The following DKC1 variants were observed in gnomAD, a reference collection of about 807,000 sequenced individuals.
DKC1 encodes the protein H/ACA ribonucleoprotein complex subunit DKC1.
Under a neutral mutation model 46.7 loss-of-function variants are expected in DKC1, and 4 were observed. The observed-to-expected ratio is 0.09, with a 90% CI of 0.04 to 0.20. The LOEUF is 0.20. Among genes scored for constraint, DKC1 ranks in the 10% least tolerant of loss-of-function variants. DKC1 has a pLI of 1.00. For missense variants in DKC1, 171 were observed against 404.2 expected (o/e 0.42, Z 4.95); for synonymous variants, 141 against 142.4 (o/e 0.99, Z 0.07).
intron 10 of DKC1, 54 bp downstream of exon 10, chrX:154,770,933 G>T (rs1209334952): frequency 2.5e-5 from 29 of 1,143,642 alleles, no homozygotes; most frequent in Non-Finnish European, 3.1e-5. Context: ...TACATACTAG[G>T]TGTATATATT....
chrX:154,776,948 G>A lies in DKC1; in HGVS notation c.*81G>A. 1 of 857,543 alleles carries A rather than the reference G, an allele frequency of 1.2e-6. No homozygotes were observed. Among genetic ancestry groups the A allele is most frequent in the Non-Finnish European group, 1.7e-6 (1 of 597,735 alleles). The allele number at this position is 857,543 out of a possible 1,213,427, so 70.7% of individuals were successfully genotyped here. ...TAGATCCTTTTGTTGCTGAGAGAGT[G>A]GAACATAGGTCCTAGACAGGGTGAA... On this transcript the variant is annotated 3_prime_UTR_variant, in exon 15 of 15. Transcript: ENST00000369550.
At chrX:154,774,808 C>T (rs1388451686) in intron 12 of DKC1, 103 bp downstream of exon 12, 1 of 715,207 alleles carries the variant, frequency 1.4e-6, no homozygotes, top group Non-Finnish European at 2.2e-6. Flanking sequence ...AGGTAGAGCC[C>T]ACTTGCCATC....
chrX:154,765,765 G>A, intron 3 of DKC1, 142 bp from the exon 4 acceptor site: 1 of 566,096 alleles, frequency 1.8e-6, no homozygotes, highest in Middle Eastern at 4.6e-4. Flanking sequence ...AAATTGCTGA[G>A]TTTGTCAACA....
chrX:154,766,862 T>C, intron 5 of DKC1, 135 bp from the exon 6 acceptor site: 1 of 583,891 alleles, frequency 1.7e-6, no homozygotes. Flanking sequence ...TCTCTCTTAA[T>C]GCAAATTTTA....
chrX:154,775,099 A>G (rs782765040), intron 12 of DKC1, 96 bp from the exon 13 acceptor site: 4 of 833,417 alleles, frequency 4.8e-6, no homozygotes, highest in Admixed American at 2.2e-5. Context: ...CAGTATTTTG[A>G]TGGTGGCTTT....
chrX:154,763,038 TG>T (rs2071700355), intron 1 of DKC1, 57 bp downstream of exon 1: 4 of 1,080,295 alleles, frequency 3.7e-6, no homozygotes, highest in Non-Finnish European at 5.0e-6. Context: ...GGAACGGGGG[TG>T]GGGGGATGGT....
chrX:154,771,403 G>T (rs1199212627), intron 10 of DKC1, among the ~76,000 whole-genome samples: 1 of 108,346 alleles, frequency 9.2e-6, no homozygotes, highest in Non-Finnish European at 1.9e-5. Context: ...TGTTGGTCAG[G>T]CTGGTCTCGA....
chrX:154,767,649 C>G (rs1557264339), intron 7 of DKC1, among the ~76,000 whole-genome samples: 1 of 111,391 alleles, frequency 9.0e-6, no homozygotes. Flanking sequence ...GTGCTTTGTT[C>G]AAAGGTAAGT....
At position 154,768,449 on chromosome X, in the gene DKC1, T is replaced by C. The variant is rs782451611; in HGVS notation, c.771+17T>C. On this transcript the variant is annotated intron_variant, in intron 8 of 14. Transcript: ENST00000369550. Reference sequence around the variant, plus strand: ...AGTGAAAAGGTATGTGTTACGGGGCTAGAAGTTTTAGAGCTGGTTCTTACC... The same window carrying C: ...AGTGAAAAGGTATGTGTTACGGGGCCAGAAGTTTTAGAGCTGGTTCTTACC... The C allele has an allele frequency of 1.7e-6, 2 of 1,210,961 alleles. No homozygotes were observed. The highest frequency in any genetic ancestry group is 4.3e-5 in the Admixed American group (2 of 45,992).
intron 4 of DKC1, 36 bp from the exon 5 acceptor site, chrX:154,766,180 T>A (rs782724537): frequency 6.0e-6 from 7 of 1,171,785 alleles, no homozygotes; most frequent in Non-Finnish European, 8.1e-6. Flanking sequence ...GCATTAAGAG[T>A]GGGTGATACA....
rs782295873 is a variant in DKC1 at position 154,768,131 on chromosome X, T to C, written c.641-171T>C. On this transcript the variant is annotated intron_variant, in intron 7 of 14. Coordinates refer to ENST00000369550, the MANE Select transcript of DKC1 (RefSeq NM_001363.5). ...TCCCAAAGTGCTGGAATTACAGGCG[T>C]GAGCCACCGTGCCTGGCCAGAATTA... is the stretch of plus-strand genomic sequence containing the variant. The C allele has an allele frequency of 1.1e-4, 68 of 599,311 alleles. No individual in the cohort carries two copies. The South Asian group carries it at 1.7e-3, about 15-fold the overall frequency. The allele number at this position is 599,311 out of a possible 1,213,427, so 49.4% of individuals were successfully genotyped here. A position where few individuals can be genotyped will look rare whatever the true frequency, so the allele number is the denominator to read the frequency against.
chrX:154,770,467 TAA>T (rs150045442), intron 9 of DKC1, among the ~76,000 whole-genome samples: 3 of 67,785 alleles, frequency 4.4e-5, no homozygotes, highest in Admixed American at 1.9e-4. Flanking sequence ...GCCTGAAAAT[TAA>T]AAAAAAAAAA....
intron 5 of DKC1, 56 bp from the exon 6 acceptor site, chrX:154,766,941 T>A (rs2071753054): frequency 1.8e-6 from 2 of 1,097,842 alleles, no homozygotes; most frequent in East Asian, 6.0e-5. Flanking sequence ...ATATAAGAAA[T>A]ATGGAAAACA....
chrX:154,771,318 G>A (rs782376247), intron 10 of DKC1, among the ~76,000 whole-genome samples: 3 of 106,582 alleles, frequency 2.8e-5, no homozygotes, highest in East Asian at 2.9e-4. Context: ...AGCCTTCCGA[G>A]TAGCTAGGAT....
chrX:154,767,439 T>C, intron 7 of DKC1, 57 bp downstream of exon 7: 1 of 1,183,640 alleles, frequency 8.4e-7, no homozygotes, highest in Non-Finnish European at 1.1e-6. Context: ...TCTGTTCTCT[T>C]ATTAAAAGTA....
rs1557264306 is a variant in DKC1, at chrX:154,767,385, G to A, written c.640+3G>A. 4 of 1,209,886 alleles carry A rather than the reference G, an allele frequency of 3.3e-6. No individual in the cohort carries two copies. In the Admixed American group the frequency reaches 6.6e-5, roughly 20 times the overall value. ...ATACGATCCTGAAAGAAGATTAGGT[G>A]AGTCATTAGGCCTGTGAGTGGGTAT... is the stretch of plus-strand genomic sequence containing the variant. On this transcript the variant is annotated splice_donor_region_variant and intron_variant, in intron 7 of 14. Transcript: ENST00000369550.
chrX:154,775,286 C>CT lies in DKC1; in HGVS notation c.1338+14dup, dbSNP rs782081967. On this transcript the variant is annotated intron_variant, in intron 13 of 14. Transcript: ENST00000369550. Reference sequence around the variant, plus strand: ...AAAAACTGCGAAGGTGAGTGGCATGCTGTCCTCAGTTTGGAATGTGCTTAG... The same window carrying CT: ...AAAAACTGCGAAGGTGAGTGGCATGCTTGTCCTCAGTTTGGAATGTGCTTAG... The CT allele has an allele frequency of 8.3e-7, 1 of 1,203,854 alleles. No homozygotes were observed. The highest frequency in any genetic ancestry group is 1.1e-6 in the Non-Finnish European group (1 of 888,816).
At chrX:154,769,959 C>T (rs1428962343) in intron 9 of DKC1, among the ~76,000 whole-genome samples, 3 of 111,147 alleles carry the variant, frequency 2.7e-5, no homozygotes, top group African/African-American at 9.8e-5. Context: ...CATTGGGTAC[C>T]ATTGAACCTC....
chrX:154,774,886 G>C, intron 12 of DKC1, 181 bp downstream of exon 12: 2 of 571,982 alleles, frequency 3.5e-6, no homozygotes, highest in Non-Finnish European at 3.2e-6. Flanking sequence ...GCCCAGGGGA[G>C]GGGGAGTCAC....
Sources: gnomAD v4.1 joint callset for allele counts (sites outside exome capture counted in the v4.1 genomes callset) on GRCh38, gnomAD v4.1.1 for gene constraint, MANE v1.5 for transcripts, NCBI Gene and HGNC (gene_info 2026-07-23, HGNC 2026-07-21) for gene names.